Variants in ACACB observed in about 807,000 individuals in gnomAD.
ACACB encodes acetyl-CoA carboxylase 2.
A neutral mutation model predicts 278.8 loss-of-function variants in ACACB; 209 were observed. The ratio of observed to expected loss-of-function variants is 0.75; its 90% CI spans 0.67 to 0.84. The LOEUF is 0.84. Among genes scored for constraint, ACACB ranks in the 40% least tolerant of loss-of-function variants. ACACB has a pLI of 0.00. For synonymous variants in ACACB, 1,174 were observed against 1,285.6 expected (o/e 0.91, Z 1.86); for missense variants, 2,850 against 3,269.0 (o/e 0.87, Z 3.13).
At chr12:109,122,204 G>T (rs75474878) in intron 1 of ACACB, among the ~76,000 whole-genome samples, 9,441 of 152,254 alleles carry the variant, frequency 0.062, 391 homozygotes, top group Middle Eastern at 0.15. Context: ...CTTACTACCC[G>T]GGTGAGTGAC....
chr12:109,178,418 T>C (rs35844029), intron 9 of ACACB, among the ~76,000 whole-genome samples: 1 of 152,208 alleles, frequency 6.6e-6, no homozygotes, highest in African/African-American at 2.4e-5. Flanking sequence ...CACAGATTAG[T>C]GTGTTTTGGT....
Position 109,259,205 on chromosome 12 carries a change from A to G in ACACB, c.6496+97A>G, listed in dbSNP as rs1268680944. 4 of 1,423,954 alleles carry G rather than the reference A, an allele frequency of 2.8e-6. No individual in the cohort carries two copies. The East Asian group carries it at 9.2e-5, about 33-fold the overall frequency. 88.2% of individuals were successfully genotyped at this position (1,423,954 alleles called of 1,614,324 possible). A position where few individuals can be genotyped will look rare whatever the true frequency, so the allele number is the denominator to read the frequency against. ...GATGCTAATGTCCTAGTCTGTGCCC[A>G]TCATCATCTTAGCTGTGTCTCCCAA... On this transcript the variant is annotated intron_variant, in intron 47 of 52. Coordinates refer to ENST00000338432, the MANE Select transcript of ACACB (RefSeq NM_001093.4).
Position 109,234,062 on chromosome 12 carries a change from TC to T in ACACB, c.4347+18del. On this transcript the variant is annotated intron_variant, in intron 31 of 52. Transcript: ENST00000338432. ...CAGTCCAAGGTACTCTGGGCGTGCC[TC>T]TGGTTTTGGTGGGGGTTCTTGGAGA... The T allele has an allele frequency of 6.3e-7, 1 of 1,581,518 alleles. No individual in the cohort carries two copies. Among genetic ancestry groups the T allele is most frequent in the East Asian group, 2.3e-5 (1 of 43,926 alleles).
At chr12:109,146,998 C>G (rs961379504) in intron 2 of ACACB, among the ~76,000 whole-genome samples, 1 of 151,982 alleles carries the variant, frequency 6.6e-6, no homozygotes, top group African/African-American at 2.4e-5. Flanking sequence ...AATTTTTCAA[C>G]AAGGGGCTCT....
chr12:109,191,738 A>C lies in ACACB; in HGVS notation c.2270A>C (p.Asp757Ala). 1 of 1,614,152 alleles carries C rather than the reference A, an allele frequency of 6.2e-7. No individual in the cohort carries two copies. Among genetic ancestry groups the C allele is most frequent in the Admixed American group, 1.7e-5 (1 of 60,016 alleles). ...AACGACATCGACACCGGGTGGTTGG[A>C]CTACCTCATTGCTGAGAAAGTGCAG... Reference protein sequence around the residue: ...QNNDIDTGWLDYLIAEKVQAE... With the variant: ...QNNDIDTGWLAYLIAEKVQAE... The change falls in exon 14 of 53, where the codon GAC becomes GCC. Residue 757 changes from aspartate (D) to alanine (A), a missense_variant. Physicochemically the swap from Asp to Ala is moderately radical, Grantham distance 126 (BLOSUM62 -2). Around this residue, in one of 3 missense-constraint regions of ACACB, gnomAD observed 2,265 missense variants for 2,561.3 expected, o/e 0.88. Transcript: ENST00000338432.
In ACACB at chr12:109,242,612, C is replaced by G. The variant is rs369670321; in HGVS notation, c.5178+20C>G. On this transcript the variant is annotated intron_variant, in intron 37 of 52. Transcript: ENST00000338432. The stretch of plus-strand genomic sequence containing the variant: ...AGGCAGGCAAGTCCGGCGGCTCAGA[C>G]GCGGTACCCCCTGGGTCCTCCCAGC... 7.2e-5 allele frequency: 116 copies of G among 1,613,150 alleles called. No homozygotes were observed. The highest frequency in any genetic ancestry group is 9.3e-5 in the Non-Finnish European group (110 of 1,179,500).
At chr12:109,171,287 C>T (rs927145634) in intron 4 of ACACB, among the ~76,000 whole-genome samples, 5 of 152,084 alleles carry the variant, frequency 3.3e-5, no homozygotes, top group African/African-American at 1.2e-4. Flanking sequence ...GCCTTCCAGG[C>T]CTTGTCCAGA....
chr12:109,232,825 T>C lies in ACACB; in HGVS notation c.4139+19T>C, dbSNP rs765875995. The C allele has an allele frequency of 6.2e-7, 1 of 1,613,594 alleles. No homozygotes were observed. The highest frequency in any genetic ancestry group is 2.2e-5 in the East Asian group (1 of 44,860). ...TCACCAGGTACCCAGCATGGCCCGG[T>C]CTCCAACACCCTGAGCATGGGGGCT... On this transcript the variant is annotated intron_variant, in intron 29 of 52. Transcript: ENST00000338432.
intron 50 of ACACB, 132 bp from the exon 51 acceptor site, chr12:109,264,978 T>C (rs2047475212): frequency 6.7e-6 from 7 of 1,044,142 alleles, no homozygotes; most frequent in Non-Finnish European, 9.8e-6. Context: ...TCAGCTTACT[T>C]GCCTGGGATG....
At chr12:109,196,595 G>A (rs977814190) in intron 16 of ACACB, among the ~76,000 whole-genome samples, 8 of 152,154 alleles carry the variant, frequency 5.3e-5, no homozygotes, top group African/African-American at 1.9e-4. Flanking sequence ...CACATTAGGG[G>A]TTGGGATTTC....
intron 2 of ACACB, among the ~76,000 whole-genome samples, chr12:109,156,909 C>G (rs2043557758): frequency 6.6e-6 from 1 of 152,100 alleles, no homozygotes; most frequent in African/African-American, 2.4e-5. Context: ...GTATGCCAGG[C>G]CAAGTGCTTT....
At chr12:109,126,750 T>A (rs998276645) in intron 1 of ACACB, among the ~76,000 whole-genome samples, 1 of 152,110 alleles carries the variant, frequency 6.6e-6, no homozygotes, top group Admixed American at 6.5e-5. Context: ...TCAACAGGCA[T>A]TAATTGAGCA....
chr12:109,191,706 C>T lies in ACACB; in HGVS notation c.2238C>T (p.Phe746=), dbSNP rs752775304. The stretch of plus-strand genomic sequence containing the variant: ...TTAACCTCCTGGAGACCGAGAGCTT[C>T]CAGAACAACGACATCGACACCGGGT... ...YLINLLETES[F]QNNDIDTGWL... The change falls in exon 14 of 53, where the codon TTC becomes TTT. Residue 746 remains phenylalanine (F), a synonymous_variant. Transcript: ENST00000338432. The T allele has an allele frequency of 6.2e-7, 1 of 1,614,194 alleles. No homozygotes were observed. The highest frequency in any genetic ancestry group is 8.5e-7 in the Non-Finnish European group (1 of 1,180,038).
chr12:109,222,628 C>G lies in ACACB; in HGVS notation c.3678+8C>G. 2 of 1,612,232 alleles carry G rather than the reference C, an allele frequency of 1.2e-6. No individual in the cohort carries two copies. Among genetic ancestry groups the G allele is most frequent in the Non-Finnish European group, 8.5e-7 (1 of 1,178,286 alleles). On this transcript the variant is annotated splice_region_variant and intron_variant, in intron 25 of 52. Coordinates refer to ENST00000338432, the MANE Select transcript of ACACB (RefSeq NM_001093.4). ...GCCCTCAGAGCCCGGCAGGTAGGGT[C>G]TCAGGGTGCGGTCCCCACGATGTGC... is the stretch of plus-strand genomic sequence containing the variant.
chr12:109,255,717 T>G (rs1714080930), intron 44 of ACACB, among the ~76,000 whole-genome samples: 1 of 152,190 alleles, frequency 6.6e-6, no homozygotes, highest in Non-Finnish European at 1.5e-5. Context: ...TTTTCCCAAT[T>G]AAGTGGTTAT....
chr12:109,223,866 T>C lies in ACACB; in HGVS notation c.3844T>C (p.Tyr1282His), dbSNP rs1327824066. The change falls in exon 27 of 53, where the codon TAT becomes CAT. Residue 1282 changes from tyrosine (Y) to histidine (H), a missense_variant. Tyr to His is a moderately conservative substitution (Grantham distance 83). This residue lies in a region of ACACB where 2,265 missense variants were observed against 2,561.3 expected (regional missense o/e 0.88). Coordinates refer to ENST00000338432, the MANE Select transcript of ACACB (RefSeq NM_001093.4). Reference sequence around the variant, plus strand: ...CTTCGACGTCCTGCCTACTTTCTTCTATCACGCAAACAAAGTCGTGTGCAT... The same window carrying C: ...CTTCGACGTCCTGCCTACTTTCTTCCATCACGCAAACAAAGTCGTGTGCAT... ...TIFDVLPTFF[Y>H]HANKVVCMAS... is the part of the protein sequence containing the mutation. The C allele has an allele frequency of 5.6e-6, 9 of 1,614,204 alleles. No homozygotes were observed. The highest frequency in any genetic ancestry group is 7.6e-6 in the Non-Finnish European group (9 of 1,180,010).
chr12:109,199,051 G>A (rs2045238696), intron 17 of ACACB, among the ~76,000 whole-genome samples: 1 of 152,108 alleles, frequency 6.6e-6, no homozygotes, highest in Admixed American at 6.5e-5. Flanking sequence ...TTAGCTGGAT[G>A]TGGTGGTGGG....
intron 10 of ACACB, 130 bp downstream of exon 10, chr12:109,179,427 C>A: frequency 1.1e-6 from 1 of 909,428 alleles, no homozygotes; most frequent in Non-Finnish European, 1.7e-6. Context: ...AGGGCCCATT[C>A]CAGAGGTGAT....
At chr12:109,121,300 A>C (rs1264148295) in intron 1 of ACACB, among the ~76,000 whole-genome samples, 1 of 152,162 alleles carries the variant, frequency 6.6e-6, no homozygotes, top group Non-Finnish European at 1.5e-5. Flanking sequence ...TATGCCTCCT[A>C]GTGTATACTG....
Sources: gnomAD v4.1 joint callset for allele counts (sites outside exome capture counted in the v4.1 genomes callset) on GRCh38, gnomAD v4.1.1 for gene constraint, gnomAD v4.1.1 regional missense constraint, MANE v1.5 for transcripts, NCBI Gene and HGNC (gene_info 2026-07-23, HGNC 2026-07-21) for gene names.